The following FCHSD2 variants were observed in gnomAD, a reference collection of about 807,000 sequenced individuals.
FCHSD2 encodes the protein FCH and double SH3 domains 2, also known as F-BAR and double SH3 domains protein 2.
In FCHSD2, 38 loss-of-function variants were observed where a neutral mutation model predicts 108.1. The observed-to-expected ratio is 0.35, with a 90% CI of 0.27 to 0.46. FCHSD2 has a LOEUF of 0.46. Ranked by LOEUF, FCHSD2 falls within the 20% of genes least tolerant of loss-of-function variation. The pLI is 1.00. For synonymous variants in FCHSD2, 279 were observed against 314.7 expected (o/e 0.89, Z 1.20); for missense variants, 751 against 897.8 (o/e 0.84, Z 2.09).
At chr11:72,965,931 T>G (rs1856898137) in intron 8 of FCHSD2, among the ~76,000 whole-genome samples, 6 of 152,210 alleles carry the variant, frequency 3.9e-5, no homozygotes, top group Admixed American at 3.9e-4. Context: ...CAGTTCTATG[T>G]ATCAATATAG....
chr11:73,113,194 T>C (rs1273564075), intron 2 of FCHSD2, among the ~76,000 whole-genome samples: 2 of 152,052 alleles, frequency 1.3e-5, no homozygotes, highest in East Asian at 1.9e-4. Context: ...GCTTATCTGA[T>C]AGAATTCTGA....
Position 73,140,138 on chromosome 11 carries a change from A to G in FCHSD2, c.22-10T>C. The G allele has an allele frequency of 6.8e-7, 1 of 1,471,818 alleles. No individual in the cohort carries two copies. The highest frequency in any genetic ancestry group is 9.2e-7 in the Non-Finnish European group (1 of 1,090,562). 91.2% of individuals were successfully genotyped at this position (1,471,818 alleles called of 1,614,324 possible). On this transcript the variant is annotated splice_polypyrimidine_tract_variant and intron_variant, in intron 1 of 19. Transcript: ENST00000409418. ...CTTGTGTAACTTTCACCTAAAATAT[A>G]CCATATATTTATGAAGGTCTTTTTA... is the stretch of plus-strand genomic sequence containing the variant.
Position 72,921,842 on chromosome 11 carries a change from C to G in FCHSD2, c.814G>C (p.Glu272Gln). 1 of 1,611,322 alleles carries G rather than the reference C, an allele frequency of 6.2e-7. No homozygotes were observed. Among genetic ancestry groups the G allele is most frequent in the African/African-American group, 1.3e-5 (1 of 75,010 alleles). Residue 272 changes from glutamate (E) to glutamine (Q), a missense_variant, in exon 9 of 20, where the codon GAA becomes CAA. Glu to Gln is a conservative substitution (Grantham distance 29). Coordinates refer to ENST00000409418, the MANE Select transcript of FCHSD2 (RefSeq NM_014824.3). ...AGGTAACTTACCTTGCTGGAGTTTT[C>G]TAATAAAAACTGGAATGTGTTCTGC... ...AVQNTFQFLL[E>Q]NSSKVVRDYN...
intron 4 of FCHSD2, among the ~76,000 whole-genome samples, chr11:73,003,003 T>C (rs921861655): frequency 2.0e-5 from 3 of 152,170 alleles, no homozygotes; most frequent in African/African-American, 7.2e-5. Context: ...AAGGAGTAAA[T>C]AAATGAATGG....
chr11:73,113,535 G>A (rs1034609315), intron 2 of FCHSD2, among the ~76,000 whole-genome samples: 1 of 151,720 alleles, frequency 6.6e-6, no homozygotes, highest in Non-Finnish European at 1.5e-5. Flanking sequence ...CGCCCAGCTA[G>A]TTTCTCTATT....
intron 4 of FCHSD2, among the ~76,000 whole-genome samples, chr11:73,004,377 G>A (rs1370976887): frequency 2.0e-5 from 3 of 152,022 alleles, no homozygotes; most frequent in Non-Finnish European, 4.4e-5. Flanking sequence ...AATAACTACT[G>A]CTTTGCTCCC....
intron 2 of FCHSD2, among the ~76,000 whole-genome samples, chr11:73,097,729 T>C (rs1860125134): frequency 6.6e-6 from 1 of 152,034 alleles, no homozygotes; most frequent in Non-Finnish European, 1.5e-5. Context: ...GATTTATCTA[T>C]TTCACCTGAA....
At chr11:72,915,852 G>A (rs1855862127) in intron 9 of FCHSD2, among the ~76,000 whole-genome samples, 1 of 151,932 alleles carries the variant, frequency 6.6e-6, no homozygotes, top group Admixed American at 6.6e-5. Flanking sequence ...AAAAGAAAAT[G>A]TGGTACATAT....
intron 12 of FCHSD2, among the ~76,000 whole-genome samples, chr11:72,871,091 T>C (rs1400206545): frequency 6.6e-6 from 1 of 152,316 alleles, no homozygotes; most frequent in East Asian, 1.9e-4. Context: ...GCTTATTCTT[T>C]AGCCCTTGTT....
intron 8 of FCHSD2, among the ~76,000 whole-genome samples, chr11:72,949,350 TGA>T (rs1157496470): frequency 1.3e-5 from 2 of 151,996 alleles, no homozygotes; most frequent in Non-Finnish European, 2.9e-5. Flanking sequence ...CTCAGGAGGC[TGA>T]GACAGGAGAA....
At chr11:73,051,764 T>A (rs1858902843) in intron 3 of FCHSD2, among the ~76,000 whole-genome samples, 1 of 151,976 alleles carries the variant, frequency 6.6e-6, no homozygotes, top group Non-Finnish European at 1.5e-5. Context: ...TAAATAGTAG[T>A]GAATTGCAAA....
At chr11:73,000,613 T>A (rs1857607580) in intron 5 of FCHSD2, among the ~76,000 whole-genome samples, 1 of 152,192 alleles carries the variant, frequency 6.6e-6, no homozygotes, top group East Asian at 1.9e-4. Flanking sequence ...AAGTTGAAAG[T>A]AAGACAAATT....
intron 3 of FCHSD2, among the ~76,000 whole-genome samples, chr11:73,055,326 G>C (rs1019858121): frequency 3.5e-5 from 5 of 142,606 alleles, no homozygotes; most frequent in African/African-American, 1.0e-4. Context: ...CTGGGCAACA[G>C]AGTGAGACCC....
At chr11:73,096,189 T>C (rs561053900) in intron 2 of FCHSD2, among the ~76,000 whole-genome samples, 4 of 151,766 alleles carry the variant, frequency 2.6e-5, no homozygotes, top group South Asian at 2.1e-4. Flanking sequence ...AATGCTGTCA[T>C]GAAAGAGATA....
chr11:73,140,897 G>C (rs1861230255), intron 1 of FCHSD2, among the ~76,000 whole-genome samples: 1 of 152,218 alleles, frequency 6.6e-6, no homozygotes, highest in African/African-American at 2.4e-5. Flanking sequence ...ACCCGGAGGG[G>C]TGGGGGTACA....
intron 6 of FCHSD2, 70 bp downstream of exon 6, chr11:72,988,894 G>A: frequency 7.3e-7 from 1 of 1,367,180 alleles, no homozygotes; most frequent in Non-Finnish European, 1.0e-6. Flanking sequence ...ACTACTAATA[G>A]AGAACAAACT....
intron 3 of FCHSD2, among the ~76,000 whole-genome samples, chr11:73,028,942 T>C (rs1439849762): frequency 6.6e-6 from 1 of 152,098 alleles, no homozygotes; most frequent in African/African-American, 2.4e-5. Context: ...AAACTGTGAG[T>C]CCATGAAACC....
intron 5 of FCHSD2, among the ~76,000 whole-genome samples, chr11:72,994,303 C>T (rs151064107): frequency 2.0e-5 from 3 of 151,184 alleles, no homozygotes; most frequent in Admixed American, 2.0e-4. Flanking sequence ...AAAAAGACCC[C>T]TTGTGGGCAC....
At chr11:73,125,905 G>A (rs1860843451) in intron 2 of FCHSD2, among the ~76,000 whole-genome samples, 1 of 152,150 alleles carries the variant, frequency 6.6e-6, no homozygotes, top group Non-Finnish European at 1.5e-5. Context: ...CATGGAGAGA[G>A]CTGGCTAATG....
Sources: gnomAD v4.1 joint callset for allele counts (sites outside exome capture counted in the v4.1 genomes callset) on GRCh38, gnomAD v4.1.1 for gene constraint, MANE v1.5 for transcripts, NCBI Gene and HGNC (gene_info 2026-07-23, HGNC 2026-07-21) for gene names.